The following FCGRT variants were observed in gnomAD, a reference collection of about 807,000 sequenced individuals.
The protein encoded by FCGRT is IgG receptor FcRn large subunit p51.
Under a neutral mutation model 35.7 loss-of-function variants are expected in FCGRT, and 13 were observed. That is an observed-to-expected ratio of 0.36 (90% confidence interval 0.24 to 0.58). The LOEUF is 0.58. Ranked by LOEUF, FCGRT falls within the 20% of genes least tolerant of loss-of-function variation. The pLI is 0.77. For missense variants in FCGRT, 455 were observed against 474.9 expected (o/e 0.96, Z 0.39); for synonymous variants, 233 against 216.5 (o/e 1.08, Z -0.67).
At chr19:49,521,441 G>A (rs2080040248) in intron 4 of FCGRT, among the ~76,000 whole-genome samples, 1 of 151,932 alleles carries the variant, frequency 6.6e-6, no homozygotes, top group South Asian at 2.1e-4. Context: ...GTGGTGGTGT[G>A]CGCCTGTAAT....
intron 6 of FCGRT, 87 bp from the exon 7 acceptor site, chr19:49,525,923 T>G: frequency 3.1e-5 from 26 of 832,884 alleles, no homozygotes; most frequent in Non-Finnish European, 5.0e-5. Flanking sequence ...GAAGAGTGTG[T>G]GAGACACACA....
intron 5 of FCGRT, 60 bp downstream of exon 5, chr19:49,524,836 C>A: frequency 6.7e-7 from 1 of 1,497,548 alleles, no homozygotes; most frequent in Non-Finnish European, 9.1e-7. Flanking sequence ...CACTGCTGCG[C>A]CGGTCCTTCC....
intron 4 of FCGRT, chr19:49,516,264 C>T: frequency 2.4e-6 from 1 of 416,086 alleles, no homozygotes. Context: ...TTTTTTGAGA[C>T]AGAGTTTCGC....
chr19:49,518,045 C>G (rs1398484115), intron 4 of FCGRT, among the ~76,000 whole-genome samples: 1 of 152,074 alleles, frequency 6.6e-6, no homozygotes, highest in Non-Finnish European at 1.5e-5. Flanking sequence ...AGGCTGGTCT[C>G]GAACCCTCCA....
At position 49,526,047 on chromosome 19, in the gene FCGRT, C is replaced by G; in HGVS notation, c.1026C>G (p.Val342=). The change falls in exon 7 of 7, where the codon GTC becomes GTG. Residue 342 remains valine (V), a synonymous_variant. Coordinates refer to ENST00000221466, the MANE Select transcript of FCGRT (RefSeq NM_001136019.3). The part of the protein sequence containing the change: ...WISLRGDDTG[V]LLPTPGEAQD... The stretch of plus-strand genomic sequence containing the variant: ...CCCTTCGTGGAGACGACACCGGGGT[C>G]CTCCTGCCCACCCCAGGGGAGGCCC... 6.2e-7 allele frequency: 1 copy of G among 1,613,444 alleles called. No individual in the cohort carries two copies. Among genetic ancestry groups the G allele is most frequent in the Admixed American group, 1.7e-5 (1 of 60,016 alleles).
intron 4 of FCGRT, among the ~76,000 whole-genome samples, chr19:49,515,010 T>G (rs1356069663): frequency 1.3e-5 from 2 of 149,908 alleles, no homozygotes; most frequent in Non-Finnish European, 3.0e-5. Flanking sequence ...TTTTTTTTTT[T>G]TGAGACAGAT....
intron 4 of FCGRT, among the ~76,000 whole-genome samples, chr19:49,520,113 G>A (rs1336541881): frequency 1.4e-5 from 2 of 146,872 alleles, no homozygotes; most frequent in Non-Finnish European, 3.0e-5. Flanking sequence ...TTACAGGCGT[G>A]AGCCACCGCG....
At position 49,522,581 on chromosome 19, in the gene FCGRT, G is replaced by A. The variant is rs535667021; in HGVS notation, c.602-1926G>A. ...TGAGTAGCTGGGATTACAGGTACACGCCACCATGCCTGGCTAATTTTTTTG... is the reference window on the plus strand; with the variant it reads ...TGAGTAGCTGGGATTACAGGTACACACCACCATGCCTGGCTAATTTTTTTG... On this transcript the variant is annotated intron_variant, in intron 4 of 6. Coordinates refer to ENST00000221466, the MANE Select transcript of FCGRT (RefSeq NM_001136019.3). Among the ~76,000 whole-genome samples, 7 of 151,272 alleles carry A rather than the reference G, an allele frequency of 4.6e-5. No individual in the cohort carries two copies. The South Asian group carries it at 1.3e-3, about 27-fold the overall frequency.
chr19:49,514,502 A>G lies in FCGRT; in HGVS notation c.601+16A>G, dbSNP rs748415936. Reference sequence around the variant, plus strand: ...GAGTGGAAGGGTGAGCCGGATCTGCAGCCGCAGGCTGTTCTGTCCTCTCTC... The same window carrying G: ...GAGTGGAAGGGTGAGCCGGATCTGCGGCCGCAGGCTGTTCTGTCCTCTCTC... On this transcript the variant is annotated intron_variant, in intron 4 of 6. Coordinates refer to ENST00000221466, the MANE Select transcript of FCGRT (RefSeq NM_001136019.3). The G allele has an allele frequency of 1.3e-6, 2 of 1,532,134 alleles. No individual in the cohort carries two copies. Among genetic ancestry groups the G allele is most frequent in the Non-Finnish European group, 8.8e-7 (1 of 1,137,898 alleles). The allele number at this position is 1,532,134 out of a possible 1,614,324, so 94.9% of individuals were successfully genotyped here.
intron 4 of FCGRT, 118 bp from the exon 5 acceptor site, chr19:49,524,389 A>T: frequency 8.8e-7 from 1 of 1,138,222 alleles, no homozygotes. Context: ...CCCTTTTACC[A>T]CTGTATTATC....
At chr19:49,525,171 G>T in intron 5 of FCGRT, 1 of 511,740 alleles carries the variant, frequency 2.0e-6, no homozygotes, top group East Asian at 4.0e-5. Context: ...CCATGAGACT[G>T]ACTTCCCACT....
chr19:49,520,005 A>AT (rs1011713715), intron 4 of FCGRT, among the ~76,000 whole-genome samples: 7 of 145,282 alleles, frequency 4.8e-5, no homozygotes, highest in Admixed American at 7.0e-5. Flanking sequence ...TAATTTTTGT[A>AT]TTTTTTTTGG....
intron 4 of FCGRT, among the ~76,000 whole-genome samples, 172 bp downstream of exon 4, chr19:49,514,658 C>T (rs1293572245): frequency 6.6e-6 from 1 of 152,018 alleles, no homozygotes; most frequent in Non-Finnish European, 1.5e-5. Context: ...CCAGCGCCCC[C>T]CAGGACAAAC....
intron 5 of FCGRT, chr19:49,525,049 CCTGCTGCTGCTG>C (rs10525267): frequency 4.9e-5 from 29 of 594,470 alleles, no homozygotes; most frequent in Middle Eastern, 2.6e-4. Context: ...CATCTTCCAT[CCTGCTGCTGCTG>C]CTGCTGCTGC....
At chr19:49,523,342 G>A (rs1472773799) in intron 4 of FCGRT, among the ~76,000 whole-genome samples, 1 of 151,950 alleles carries the variant, frequency 6.6e-6, no homozygotes, top group Non-Finnish European at 1.5e-5. Context: ...GCTGAGGCAG[G>A]TAGATCACAA....
intron 1 of FCGRT, 44 bp from the exon 2 acceptor site, chr19:49,513,343 C>CGGGCCGGGGGGGGGGGGGGG: frequency 1.0e-6 from 1 of 971,152 alleles, no homozygotes; most frequent in Non-Finnish European, 1.3e-6. Flanking sequence ...GAGGAAGGGG[C>CGGGCCGGGGGGGGGGGGGGG]GGGCCGGGGG....
chr19:49,522,500 T>G (rs1303945523), intron 4 of FCGRT, among the ~76,000 whole-genome samples: 1 of 151,360 alleles, frequency 6.6e-6, no homozygotes, highest in Non-Finnish European at 1.5e-5. Flanking sequence ...GGTGCAATCT[T>G]GGCTCAATGC....
Position 49,526,035 on chromosome 19 carries a change from C to T in FCGRT, c.1014C>T (p.Asp338=), listed in dbSNP as rs151061816. The T allele has an allele frequency of 3.4e-5, 55 of 1,612,328 alleles. No individual in the cohort carries two copies. Among genetic ancestry groups the T allele is most frequent in the South Asian group, 1.5e-4 (14 of 91,050 alleles). ...LPAPWISLRG[D]DTGVLLPTPG... ...CCCCTTGGATCTCCCTTCGTGGAGA[C>T]GACACCGGGGTCCTCCTGCCCACCC... Residue 338 remains aspartate (D), a synonymous_variant, in exon 7 of 7, where the codon GAC becomes GAT. Coordinates refer to ENST00000221466, the MANE Select transcript of FCGRT (RefSeq NM_001136019.3).
chr19:49,514,087 C>T lies in FCGRT; in HGVS notation c.279C>T (p.Ile93=). 6.2e-7 allele frequency: 1 copy of T among 1,611,802 alleles called. No individual in the cohort carries two copies. Among genetic ancestry groups the T allele is most frequent in the South Asian group, 1.1e-5 (1 of 91,088 alleles). The change falls in exon 3 of 7, where the codon ATC becomes ATT. Residue 93 remains isoleucine, a synonymous_variant. Transcript: ENST00000221466. ...YWEKETTDLR[I]KEKLFLEAFK... ...AGAAAGAGACCACAGATCTGAGGATCAAGGAGAAGCTCTTTCTGGAAGCTT... is the reference window on the plus strand; with the variant it reads ...AGAAAGAGACCACAGATCTGAGGATTAAGGAGAAGCTCTTTCTGGAAGCTT...
Sources: gnomAD v4.1 joint callset for allele counts (sites outside exome capture counted in the v4.1 genomes callset) on GRCh38, gnomAD v4.1.1 for gene constraint, MANE v1.5 for transcripts, NCBI Gene and HGNC (gene_info 2026-07-23, HGNC 2026-07-21) for gene names.